Variants in SMPD4 observed in about 807,000 individuals in gnomAD.
The protein encoded by SMPD4 is neutral sphingomyelinase 3.
SMPD4 carries 58 observed loss-of-function variants against 97.8 expected under a neutral mutation model. That is an observed-to-expected ratio of 0.59 (90% CI 0.48 to 0.74). The LOEUF is 0.74. Among genes scored for constraint, SMPD4 ranks in the 30% least tolerant of loss-of-function variants. The pLI is 0.00. For synonymous variants in SMPD4, 388 were observed against 450.0 expected, an observed-to-expected ratio of 0.86 and a Z score of 1.74; for missense variants, 853 against 1,080.5, an observed-to-expected ratio of 0.79 and a Z score of 2.95.
In SMPD4 at chr2:130,155,152, A is replaced by G; in HGVS notation, c.1397T>C (p.Val466Ala). 1 of 1,614,174 alleles carries G rather than the reference A, an allele frequency of 6.2e-7. No homozygotes were observed. Among genetic ancestry groups the G allele is most frequent in the Middle Eastern group, 1.6e-4 (1 of 6,062 alleles). Residue 466 changes from valine (V) to alanine (A), a missense_variant, in exon 15 of 20, where the codon GTG becomes GCG. Val to Ala is a moderately conservative substitution (Grantham distance 64). Coordinates refer to ENST00000680298, the MANE Select transcript of SMPD4 (RefSeq NM_017951.5). ...GGCAAAGACTTTGGCCACTCGGAACACCATGAGCGCGTGCTTGGGGCTGAC... is the reference window on the plus strand; with the variant it reads ...GGCAAAGACTTTGGCCACTCGGAACGCCATGAGCGCGTGCTTGGGGCTGAC... ...DLVSPKHALM[V>A]FRVAKVFAQP...
At chr2:130,181,210 C>T in intron 1 of SMPD4, 2 of 1,162,460 alleles carry the variant, frequency 1.7e-6, no homozygotes, top group Non-Finnish European at 2.2e-6. Flanking sequence ...ACCCACACCG[C>T]CTGTTGAGCC....
chr2:130,175,276 C>A (rs556581946), intron 2 of SMPD4, among the ~76,000 whole-genome samples: 1 of 152,178 alleles, frequency 6.6e-6, no homozygotes, highest in African/African-American at 2.4e-5. Context: ...TTGACTTCCA[C>A]CAATCCATAA....
intron 9 of SMPD4, among the ~76,000 whole-genome samples, chr2:130,166,933 T>G (rs1034287270): frequency 1.3e-5 from 2 of 152,230 alleles, no homozygotes. Flanking sequence ...ACAACTTCCA[T>G]GGACAGGGGA....
chr2:130,173,503 A>G lies in SMPD4; in HGVS notation c.269+11T>C. 6.3e-7 allele frequency: 1 copy of G among 1,593,504 alleles called. No individual in the cohort carries two copies. Among genetic ancestry groups the G allele is most frequent in the Non-Finnish European group, 8.6e-7 (1 of 1,166,998 alleles). On this transcript the variant is annotated intron_variant, in intron 4 of 19. Coordinates refer to ENST00000680298, the MANE Select transcript of SMPD4 (RefSeq NM_017951.5). ...ATCACCCAGCCTCTCTCCGGTGACCAACCTACCTACCCAGGGTCGAGAAAT... is the reference window on the plus strand; with the variant it reads ...ATCACCCAGCCTCTCTCCGGTGACCGACCTACCTACCCAGGGTCGAGAAAT...
intron 9 of SMPD4, among the ~76,000 whole-genome samples, chr2:130,165,676 CAGAG>C (rs1687864128): frequency 1.3e-5 from 2 of 152,188 alleles, no homozygotes; most frequent in Admixed American, 6.5e-5. Context: ...TCCATAGAAA[CAGAG>C]AGCAGAATAG....
chr2:130,159,866 C>T (rs1411195854), intron 11 of SMPD4, among the ~76,000 whole-genome samples: 1 of 152,138 alleles, frequency 6.6e-6, no homozygotes, highest in Non-Finnish European at 1.5e-5. Context: ...TGGAAAACTG[C>T]TTTCCCCTGC....
Position 130,152,433 on chromosome 2 carries a change from C to A in SMPD4, c.*122G>T, listed in dbSNP as rs1686320352. On this transcript the variant is annotated 3_prime_UTR_variant, in exon 20 of 20. Coordinates refer to ENST00000680298, the MANE Select transcript of SMPD4 (RefSeq NM_017951.5). ...CAGATGCCTCTGCGGCTGCAGGAAC[C>A]CCGCTCCAGAAGCCCGAGGATGACC... The A allele has an allele frequency of 8.6e-7, 1 of 1,167,380 alleles. No homozygotes were observed. The highest frequency in any genetic ancestry group is 2.6e-5 in the East Asian group (1 of 38,520). The allele number at this position is 1,167,380 out of a possible 1,614,324, so 72.3% of individuals were successfully genotyped here.
chr2:130,154,114 C>T (rs890618580), intron 16 of SMPD4, 163 bp downstream of exon 16: 15 of 1,124,800 alleles, frequency 1.3e-5, no homozygotes, highest in East Asian at 5.2e-5. Context: ...ACACTGCCTT[C>T]GTTATCAGGA....
chr2:130,172,515 T>C lies in SMPD4; in HGVS notation c.508-15A>G. 1 of 1,611,972 alleles carries C rather than the reference T, an allele frequency of 6.2e-7. No homozygotes were observed. The highest frequency in any genetic ancestry group is 8.5e-7 in the Non-Finnish European group (1 of 1,178,480). On this transcript the variant is annotated splice_polypyrimidine_tract_variant and intron_variant, in intron 7 of 19. Transcript: ENST00000680298. ...ACAGGAAGTGGCTGGAAAACCAAGCTAGTTGTTAGCATGGGCTCTGGACAC... is the reference window on the plus strand; with the variant it reads ...ACAGGAAGTGGCTGGAAAACCAAGCCAGTTGTTAGCATGGGCTCTGGACAC...
intron 10 of SMPD4, 79 bp downstream of exon 10, chr2:130,164,295 C>G (rs1687710814): frequency 1.6e-6 from 2 of 1,278,674 alleles, no homozygotes; most frequent in African/African-American, 2.9e-5. Flanking sequence ...CCTGTGAAAA[C>G]TCACTCAGAG....
At chr2:130,158,131 T>C in intron 11 of SMPD4, 2 of 1,172,284 alleles carry the variant, frequency 1.7e-6, no homozygotes, top group South Asian at 2.9e-5. Flanking sequence ...GAGTAAGACC[T>C]GGTTCAAAAA....
chr2:130,167,048 A>C (rs995379313), intron 9 of SMPD4, among the ~76,000 whole-genome samples: 5 of 152,170 alleles, frequency 3.3e-5, no homozygotes, highest in Non-Finnish European at 7.3e-5. Context: ...ACAATTTAGA[A>C]TCAGCCCCGG....
Position 130,156,657 on chromosome 2 carries a change from G to A in SMPD4, c.1116C>T (p.Phe372=), listed in dbSNP as rs1686828574. The change falls in exon 13 of 20, where the codon TTC becomes TTT. Residue 372 remains phenylalanine (F), a synonymous_variant. Transcript: ENST00000680298. The part of the protein sequence containing the change: ...EEFKRAAVPR[F]VQQKLYLFLQ... ...AGAAGAGGTAGAGTTTCTGCTGGAC[G>A]AACCTCGGGACAGCAGCCCTGCAGG... 12 of 1,613,640 alleles carry A rather than the reference G, an allele frequency of 7.4e-6. No homozygotes were observed. The highest frequency in any genetic ancestry group is 2.2e-5 in the East Asian group (1 of 44,840).
rs764132724 is a variant in SMPD4 at position 130,172,911 on chromosome 2, G to A, written c.346-16C>T. 31 of 1,602,170 alleles carry A rather than the reference G, an allele frequency of 1.9e-5. 1 individual carries two copies. The South Asian group carries it at 3.0e-4, about 16-fold the overall frequency. On this transcript the variant is annotated splice_polypyrimidine_tract_variant and intron_variant, in intron 5 of 19. Coordinates refer to ENST00000680298, the MANE Select transcript of SMPD4 (RefSeq NM_017951.5). Reference sequence around the variant, plus strand: ...TCACAGGACCCTGCAGAGAGAGGCAGTGAGGCTTGTGGGCAGGTGCTGGTG... The same window carrying A: ...TCACAGGACCCTGCAGAGAGAGGCAATGAGGCTTGTGGGCAGGTGCTGGTG...
rs778379702 is a variant in SMPD4, at chr2:130,172,800, C to T, written c.441G>A (p.Leu147=). 5 of 1,614,080 alleles carry T rather than the reference C, an allele frequency of 3.1e-6. No homozygotes were observed. In the Admixed American group the frequency reaches 6.7e-5, roughly 22 times the overall value. The part of the protein sequence containing the change: ...VQFTPTGGLG[L]NLALNPFEYY... ...ACCAAAGGATACTCAGGGCCAAGTT[C>T]AGACCAAGGCCCCCAGTAGGGGTGA... Residue 147 remains leucine (L), a synonymous_variant, in exon 6 of 20, where the codon CTG becomes CTA. Coordinates refer to ENST00000680298, the MANE Select transcript of SMPD4 (RefSeq NM_017951.5).
Position 130,162,377 on chromosome 2 carries a change from G to A in SMPD4, c.865-1105C>T, listed in dbSNP as rs370778732. Among the ~76,000 whole-genome samples, 79 of 152,158 alleles carry A rather than the reference G, an allele frequency of 5.2e-4. No individual in the cohort carries two copies. In the East Asian group the frequency reaches 0.012, roughly 22 times the overall value. ...CAGCACACCCACTGGGCTCCACACAGGAGAAATCAGAACACACGCCAGTCG... is the reference window on the plus strand; with the variant it reads ...CAGCACACCCACTGGGCTCCACACAAGAGAAATCAGAACACACGCCAGTCG... On this transcript the variant is annotated intron_variant, in intron 10 of 19. Coordinates refer to ENST00000680298, the MANE Select transcript of SMPD4 (RefSeq NM_017951.5).
At chr2:130,156,467 C>G (rs887301843) in intron 13 of SMPD4, 118 bp downstream of exon 13, 38 of 1,029,212 alleles carry the variant, frequency 3.7e-5, no homozygotes, top group Non-Finnish European at 4.9e-5. Context: ...TCCAAGACCC[C>G]CTCCTTGCCA....
chr2:130,176,366 T>C (rs1394588461), intron 2 of SMPD4, among the ~76,000 whole-genome samples, 188 bp downstream of exon 2: 2 of 152,146 alleles, frequency 1.3e-5, no homozygotes, highest in Non-Finnish European at 2.9e-5. Flanking sequence ...AGCCCAGAAG[T>C]TGAGTAACCC....
At position 130,172,450 on chromosome 2, in the gene SMPD4, G is replaced by C; in HGVS notation, c.558C>G (p.Ile186Met). ...HVRTSDCAYF[I>M]LVDRYLSWFL... ...ACCATGACAGGTACCTGTCCACCAG[G>C]ATGAAATAGGCACAGTCTGAAGTAC... Residue 186 changes from isoleucine (I) to methionine (M), a missense_variant, in exon 8 of 20, where the codon ATC (isoleucine) becomes ATG (methionine). Coordinates refer to ENST00000680298, the MANE Select transcript of SMPD4 (RefSeq NM_017951.5). 1.2e-6 allele frequency: 2 copies of C among 1,612,556 alleles called. No homozygotes were observed. The highest frequency in any genetic ancestry group is 1.7e-6 in the Non-Finnish European group (2 of 1,179,180).
Sources: gnomAD v4.1 joint callset for allele counts (sites outside exome capture counted in the v4.1 genomes callset) on GRCh38, gnomAD v4.1.1 for gene constraint, MANE v1.5 for transcripts, NCBI Gene and HGNC (gene_info 2026-07-23, HGNC 2026-07-21) for gene names.